The following DPP10 variants were observed in gnomAD, a reference collection of about 807,000 sequenced individuals.
The protein encoded by DPP10 is inactive dipeptidyl peptidase 10.
In DPP10, 33 loss-of-function variants were observed where a neutral mutation model predicts 120.9. The observed-to-expected ratio is 0.27, with a 90% CI of 0.21 to 0.37. DPP10 has a LOEUF of 0.37. Among genes scored for constraint, DPP10 ranks in the 10% least tolerant of loss-of-function variants. DPP10 has a pLI of 1.00. For synonymous variants in DPP10, 337 were observed against 326.1 expected (o/e 1.03, Z -0.36); for missense variants, 816 against 942.8 (o/e 0.87, Z 1.76).
intron 1 of DPP10, among the ~76,000 whole-genome samples, chr2:115,089,993 T>A (rs1312232703): frequency 3.3e-5 from 5 of 152,100 alleles, no homozygotes; most frequent in African/African-American, 1.2e-4. Context: ...ACTCAGTATC[T>A]AGTACATCAC....
intron 3 of DPP10, among the ~76,000 whole-genome samples, chr2:115,495,317 AG>A (rs1207473512): frequency 7.5e-6 from 1 of 132,712 alleles, no homozygotes; most frequent in African/African-American, 2.8e-5. Context: ...CCATTTACCC[AG>A]TTTTAGGAGT....
At chr2:114,985,186 C>T (rs1490219676) in intron 1 of DPP10, among the ~76,000 whole-genome samples, 1 of 152,146 alleles carries the variant, frequency 6.6e-6, no homozygotes, top group African/African-American at 2.4e-5. Flanking sequence ...CCCTTCAATT[C>T]TGCAAATAGC....
At chr2:115,303,439 C>T (rs1243953328) in intron 1 of DPP10, among the ~76,000 whole-genome samples, 1 of 151,814 alleles carries the variant, frequency 6.6e-6, no homozygotes, top group Non-Finnish European at 1.5e-5. Flanking sequence ...CAAATACCTA[C>T]ATGTGTATTT....
intron 1 of DPP10, among the ~76,000 whole-genome samples, chr2:115,289,519 G>GAAAAA (rs2060566864): frequency 8.1e-6 from 1 of 124,106 alleles, no homozygotes. Flanking sequence ...GAAAAGAAAA[G>GAAAAA]AAAAAAGAGC....
intron 1 of DPP10, among the ~76,000 whole-genome samples, chr2:114,963,870 T>C (rs1032543589): frequency 6.6e-6 from 1 of 152,112 alleles, no homozygotes; most frequent in Non-Finnish European, 1.5e-5. Context: ...AGAACAGAAC[T>C]AGAAGAGGAG....
chr2:114,467,381 A>G (rs1679491521), intron 1 of DPP10, among the ~76,000 whole-genome samples: 2 of 152,214 alleles, frequency 1.3e-5, no homozygotes, highest in South Asian at 2.1e-4. Flanking sequence ...AGGCAGAAAC[A>G]TGCGTGCACA....
At position 115,592,423 on chromosome 2, in the gene DPP10, G is replaced by C. The variant is rs561523909; in HGVS notation, c.441+66451G>C. On this transcript the variant is annotated intron_variant, in intron 5 of 25. Coordinates refer to ENST00000410059, the MANE Select transcript of DPP10 (RefSeq NM_020868.6). ...GCCTCTCAATCTCTCTTAGTTCTAG[G>C]AAAGGCATACAAAAGGCCTTAGTAA... 3.1e-3 allele frequency among the ~76,000 whole-genome samples: 464 copies of C among 152,012 alleles called. 7 individuals carry two copies. Among genetic ancestry groups the C allele is most frequent in the Admixed American group, 3.7e-3 (57 of 15,248 alleles).
chr2:115,531,626 A>G (rs1030110019), intron 5 of DPP10, among the ~76,000 whole-genome samples: 4 of 152,084 alleles, frequency 2.6e-5, no homozygotes, highest in Non-Finnish European at 5.9e-5. Context: ...GGAAGTTGGA[A>G]GAAAATATGT....
At chr2:114,935,617 A>G (rs1291444614) in intron 1 of DPP10, among the ~76,000 whole-genome samples, 1 of 152,170 alleles carries the variant, frequency 6.6e-6, no homozygotes, top group Non-Finnish European at 1.5e-5. Flanking sequence ...CTTTTAAAAA[A>G]TAGGCTAATT....
intron 1 of DPP10, among the ~76,000 whole-genome samples, chr2:115,097,420 G>T (rs1247639966): frequency 6.6e-6 from 1 of 152,110 alleles, no homozygotes; most frequent in Non-Finnish European, 1.5e-5. Context: ...AGTACTCTTA[G>T]ATCACCAAAA....
At chr2:114,631,215 A>G (rs532156525) in intron 1 of DPP10, among the ~76,000 whole-genome samples, 4 of 152,144 alleles carry the variant, frequency 2.6e-5, no homozygotes, top group Non-Finnish European at 5.9e-5. Context: ...GCTGCTGAGC[A>G]GAGAGTGAGG....
intron 1 of DPP10, among the ~76,000 whole-genome samples, chr2:115,202,413 A>G (rs2055803430): frequency 6.6e-6 from 1 of 152,214 alleles, no homozygotes; most frequent in Non-Finnish European, 1.5e-5. Flanking sequence ...CAATTTGCTG[A>G]TTAAACTCCC....
chr2:114,904,984 A>G (rs1457588710), intron 1 of DPP10, among the ~76,000 whole-genome samples: 2 of 152,158 alleles, frequency 1.3e-5, no homozygotes, highest in Non-Finnish European at 2.9e-5. Flanking sequence ...TTATAGAGCC[A>G]TCAAAGCCAA....
intron 5 of DPP10, among the ~76,000 whole-genome samples, chr2:115,592,467 T>C (rs2082720652): frequency 6.6e-6 from 1 of 152,008 alleles, no homozygotes; most frequent in African/African-American, 2.4e-5. Flanking sequence ...TGGTGGCTCA[T>C]GCCTGTAATC....
intron 8 of DPP10, among the ~76,000 whole-genome samples, chr2:115,737,396 G>A (rs1383203539): frequency 1.3e-5 from 2 of 152,156 alleles, no homozygotes; most frequent in African/African-American, 2.4e-5. Flanking sequence ...GTATCCCATG[G>A]TGAGGCTAAA....
intron 1 of DPP10, among the ~76,000 whole-genome samples, chr2:114,561,109 A>T (rs1688728625): frequency 6.6e-6 from 1 of 152,008 alleles, no homozygotes; most frequent in Non-Finnish European, 1.5e-5. Context: ...CCGCTCCTTT[A>T]GTTTGGAATA....
chr2:114,982,602 CTT>C (rs927344165), intron 1 of DPP10, among the ~76,000 whole-genome samples: 1 of 143,810 alleles, frequency 7.0e-6, no homozygotes. Context: ...ACATTTTTTT[CTT>C]TTTTTTTTTT....
rs373569554 is a variant in DPP10, at chr2:115,636,419, T to C, written c.442-53268T>C. Among the ~76,000 whole-genome samples the C allele has an allele frequency of 8.5e-5, 13 of 152,312 alleles. No individual in the cohort carries two copies. In the East Asian group the frequency reaches 2.1e-3, roughly 25 times the overall value. ...ACGTAGGTTGCATGTTGTATAATTT[T>C]ATTAAACTGTTTATTTTTCTCAGGT... On this transcript the variant is annotated intron_variant, in intron 5 of 25. Coordinates refer to ENST00000410059, the MANE Select transcript of DPP10 (RefSeq NM_020868.6).
chr2:114,745,466 A>G (rs1678493034), intron 1 of DPP10, among the ~76,000 whole-genome samples: 1 of 152,208 alleles, frequency 6.6e-6, no homozygotes, highest in Admixed American at 6.5e-5. Context: ...CAAGGTCAGA[A>G]TTTTTTTAAT....
Sources: gnomAD v4.1 joint callset for allele counts (sites outside exome capture counted in the v4.1 genomes callset) on GRCh38, gnomAD v4.1.1 for gene constraint, MANE v1.5 for transcripts, NCBI Gene and HGNC (gene_info 2026-07-23, HGNC 2026-07-21) for gene names.